Variants in SLC6A14 observed in about 807,000 individuals in gnomAD.
The protein encoded by SLC6A14 is solute carrier family 6 member 14.
SLC6A14 carries 21 observed loss-of-function variants against 51.4 expected under a neutral mutation model. That is an observed-to-expected ratio of 0.41 (90% CI 0.29 to 0.59). The LOEUF (loss-of-function observed/expected upper bound fraction) is 0.59. Ranked by LOEUF, SLC6A14 falls within the 20% of genes least tolerant of loss-of-function variation. The probability of loss-of-function intolerance (pLI) is 0.31; values close to 1 mark genes in which losing one functional copy is unlikely to be tolerated. For synonymous variants in SLC6A14, 177 were observed against 160.7 expected (o/e 1.10, Z -0.77); for missense variants, 371 against 472.8 (o/e 0.78, Z 2.00).
chrX:116,448,795 C>T (rs1927765904), intron 7 of SLC6A14, among the ~76,000 whole-genome samples: 1 of 111,069 alleles, frequency 9.0e-6, no homozygotes, highest in South Asian at 3.8e-4. Context: ...TTATATGACA[C>T]TTTTATATTG....
At chrX:116,458,762 G>T in intron 13 of SLC6A14, 47 bp from the exon 14 acceptor site, 1 of 1,100,593 alleles carries the variant, frequency 9.1e-7, no homozygotes, top group Non-Finnish European at 1.2e-6. Context: ...TTTACAGATT[G>T]TAGCACTTAA....
intron 2 of SLC6A14, among the ~76,000 whole-genome samples, chrX:116,439,730 A>T (rs982578049): frequency 1.9e-5 from 2 of 107,851 alleles, no homozygotes; most frequent in African/African-American, 6.7e-5. Context: ...AAACAGTTGT[A>T]TTTTTTTTTT....
intron 12 of SLC6A14, among the ~76,000 whole-genome samples, chrX:116,455,984 C>T (rs1927926646): frequency 9.0e-6 from 1 of 111,001 alleles, no homozygotes. Context: ...TTACCTGTGT[C>T]AATAAGGGCA....
chrX:116,449,543 A>G (rs781840393), intron 7 of SLC6A14, among the ~76,000 whole-genome samples: 5 of 112,151 alleles, frequency 4.5e-5, no homozygotes, highest in Non-Finnish European at 7.5e-5. Context: ...AAGTGAAATA[A>G]CCATGATCTA....
At chrX:116,455,297 C>A in intron 11 of SLC6A14, 60 bp from the exon 12 acceptor site, 1 of 924,072 alleles carries the variant, frequency 1.1e-6, no homozygotes, top group Non-Finnish European at 1.6e-6. Flanking sequence ...TAATTGATGC[C>A]ATAATGGTTA....
chrX:116,456,545 C>A (rs2147391714), intron 12 of SLC6A14, among the ~76,000 whole-genome samples: 1 of 111,012 alleles, frequency 9.0e-6, no homozygotes, highest in South Asian at 3.7e-4. Context: ...AGCTAATATT[C>A]AATGATTACA....
chrX:116,436,878 T>C, intron 1 of SLC6A14, 121 bp downstream of exon 1: 3 of 587,051 alleles, frequency 5.1e-6, no homozygotes, highest in Non-Finnish European at 8.1e-6. Context: ...TCTGTTCAAC[T>C]ATTAGGTGTG....
In SLC6A14 at chrX:116,451,560, T is replaced by G. The variant is rs781869581; in HGVS notation, c.1049T>G (p.Val350Gly). The G allele has an allele frequency of 8.3e-7, 1 of 1,208,558 alleles. No homozygotes were observed. Among genetic ancestry groups the G allele is most frequent in the East Asian group, 3.0e-5 (1 of 33,748 alleles). The change falls in exon 8 of 14, where the codon GTT becomes GGT. Residue 350 changes from valine to glycine, a missense_variant. This residue lies in a region of SLC6A14 where 277 missense variants were observed against 391.8 expected (regional missense o/e 0.71). Transcript: ENST00000598581. Reference sequence around the variant, plus strand: ...AACTGCTTCTCTGATGCCATTGTGGTTTGTTTGACAAACTGTCTCACTAGC... The same window carrying G: ...AACTGCTTCTCTGATGCCATTGTGGGTTGTTTGACAAACTGTCTCACTAGC... ...KNNCFSDAIV[V>G]CLTNCLTSVF...
intron 6 of SLC6A14, 116 bp downstream of exon 6, chrX:116,445,166 T>C (rs1182625360): frequency 2.9e-6 from 2 of 701,343 alleles, no homozygotes; most frequent in Admixed American, 3.8e-5. Context: ...TTCAAATGTG[T>C]GAAAAGCTTT....
intron 1 of SLC6A14, 57 bp downstream of exon 1, chrX:116,436,814 G>A (rs1406681786): frequency 2.5e-5 from 26 of 1,049,211 alleles, no homozygotes; most frequent in Non-Finnish European, 3.3e-5. Flanking sequence ...AAACTTAAGG[G>A]GGGTTGCTAG....
chrX:116,454,584 T>A, intron 10 of SLC6A14, 142 bp downstream of exon 10: 1 of 439,833 alleles, frequency 2.3e-6, no homozygotes, highest in South Asian at 4.1e-5. Flanking sequence ...TTTTAGCCCA[T>A]TTTTCTCCAT....
intron 2 of SLC6A14, among the ~76,000 whole-genome samples, chrX:116,438,430 T>C (rs1321166234): frequency 8.9e-6 from 1 of 112,267 alleles, no homozygotes; most frequent in Non-Finnish European, 1.9e-5. Context: ...TTGAAAGAGA[T>C]GATTAAAAAG....
chrX:116,443,760 C>G lies in SLC6A14; in HGVS notation c.626C>G (p.Pro209Arg). ...TCINGSEIYQ[P>R]GQLPSEQYWN... ...ATCAACGGCAGTGAAATTTATCAGCCAGGGCAGCTTCCCAGTGAACAATAT... is the reference window on the plus strand; with the variant it reads ...ATCAACGGCAGTGAAATTTATCAGCGAGGGCAGCTTCCCAGTGAACAATAT... The change falls in exon 5 of 14, where the codon CCA becomes CGA. Residue 209 changes from proline to arginine, a missense_variant. Pro to Arg is a moderately radical substitution (Grantham distance 103). This residue lies in a region of SLC6A14 where 277 missense variants were observed against 391.8 expected (regional missense o/e 0.71). Coordinates refer to ENST00000598581, the MANE Select transcript of SLC6A14 (RefSeq NM_007231.5). 1 of 1,204,784 alleles carries G rather than the reference C, an allele frequency of 8.3e-7. No homozygotes were observed. The highest frequency in any genetic ancestry group is 1.1e-6 in the Non-Finnish European group (1 of 891,948).
chrX:116,449,137 C>G (rs1927772240), intron 7 of SLC6A14, among the ~76,000 whole-genome samples: 1 of 111,412 alleles, frequency 9.0e-6, no homozygotes, highest in African/African-American at 3.3e-5. Context: ...TTCTAACTCC[C>G]TCATTTTACA....
Position 116,454,851 on chromosome X carries a change from G to A in SLC6A14, c.1405-126G>A. On this transcript the variant is annotated intron_variant, in intron 10 of 13. Coordinates refer to ENST00000598581, the MANE Select transcript of SLC6A14 (RefSeq NM_007231.5). ...GTTTACATTTGAAACATTGCTTTTC[G>A]CATTTTAGCAGAAGGGAAACTAAGG... 5 of 488,940 alleles carry A rather than the reference G, an allele frequency of 1.0e-5. No homozygotes were observed. In the South Asian group the frequency reaches 1.1e-4, roughly 11 times the overall value. 40.3% of individuals were successfully genotyped at this position (488,940 alleles called of 1,213,427 possible). A position where few individuals can be genotyped will look rare whatever the true frequency, so the allele number is the denominator to read the frequency against.
intron 2 of SLC6A14, among the ~76,000 whole-genome samples, chrX:116,439,675 T>G (rs1927555198): frequency 9.0e-6 from 1 of 111,228 alleles, no homozygotes; most frequent in Admixed American, 9.6e-5. Context: ...TAACAAAAAA[T>G]ACCTGTTCAC....
rs1223831725 is a variant in SLC6A14, at chrX:116,440,205, T to A, written c.215-761T>A. Among the ~76,000 whole-genome samples the A allele has an allele frequency of 2.7e-5, 3 of 110,642 alleles. No homozygotes were observed. The Admixed American group carries it at 2.9e-4, about 11-fold the overall frequency. The stretch of plus-strand genomic sequence containing the variant: ...AAGTGGAAAGAAAAAAAAAGGAAAA[T>A]GATAAAAGGTTAAAAGGATGGGGGA... On this transcript the variant is annotated intron_variant, in intron 2 of 13. Coordinates refer to ENST00000598581, the MANE Select transcript of SLC6A14 (RefSeq NM_007231.5).
Position 116,443,743 on chromosome X carries a change from C to A in SLC6A14, c.609C>A (p.Gly203=). Residue 203 remains glycine, a synonymous_variant, in exon 5 of 14, where the codon GGC becomes GGA. Coordinates refer to ENST00000598581, the MANE Select transcript of SLC6A14 (RefSeq NM_007231.5). ...VDINNFTCIN[G]SEIYQPGQLP... Reference sequence around the variant, plus strand: ...TCAACAATTTTACCTGCATCAACGGCAGTGAAATTTATCAGCCAGGGCAGC... The same window carrying A: ...TCAACAATTTTACCTGCATCAACGGAAGTGAAATTTATCAGCCAGGGCAGC... 1 of 1,206,191 alleles carries A rather than the reference C, an allele frequency of 8.3e-7. No homozygotes were observed. Among genetic ancestry groups the A allele is most frequent in the Non-Finnish European group, 1.1e-6 (1 of 892,278 alleles).
At chrX:116,455,498 G>T in intron 12 of SLC6A14, 32 bp downstream of exon 12, 4 of 881,508 alleles carry the variant, frequency 4.5e-6, no homozygotes, top group Non-Finnish European at 6.7e-6. Context: ...ACTTGATTTC[G>T]ATAATACATA....
Sources: allele counts gnomAD v4.1 joint callset (sites outside exome capture counted in the v4.1 genomes callset), GRCh38; gene constraint gnomAD v4.1.1; regional missense constraint gnomAD v4.1.1; transcripts MANE v1.5; gene names NCBI Gene and HGNC (gene_info 2026-07-23, HGNC 2026-07-21).